The following FHIT variants were observed in gnomAD, a reference collection of about 807,000 sequenced individuals.
The protein encoded by FHIT is bis(5'-adenosyl)-triphosphatase.
Under a neutral mutation model 17.9 loss-of-function variants are expected in FHIT, and 19 were observed. That is an observed-to-expected ratio of 1.06 (90% CI 0.74 to 1.56). The LOEUF is 1.56. Ranked by LOEUF, FHIT falls within the 40% of genes most tolerant of loss-of-function variation. The pLI, the probability that FHIT is intolerant of heterozygous loss-of-function variation, is 0.00. For synonymous variants in FHIT, 81 were observed against 69.7 expected, an observed-to-expected ratio of 1.16 and a Z score of -0.81; for missense variants, 248 against 189.2, an observed-to-expected ratio of 1.31 and a Z score of -1.82.
At chr3:60,569,756 T>TATATATATATATATA (rs1491532042) in intron 4 of FHIT, among the ~76,000 whole-genome samples, 67 of 28,644 alleles carry the variant, frequency 2.3e-3, no homozygotes, top group East Asian at 0.021. Flanking sequence ...TATATATATA[T>TATATATATATATATA]TTTTTTTTTT....
intron 5 of FHIT, among the ~76,000 whole-genome samples, chr3:60,122,409 G>C (rs1221515302): frequency 1.3e-5 from 2 of 152,100 alleles, no homozygotes; most frequent in African/African-American, 4.8e-5. Context: ...GAATCAGAAA[G>C]ACTGGGCAAG....
intron 4 of FHIT, among the ~76,000 whole-genome samples, chr3:60,805,248 C>T (rs886946443): frequency 1.4e-4 from 21 of 152,280 alleles, no homozygotes; most frequent in Admixed American, 3.3e-4. Flanking sequence ...CCACCTTAGT[C>T]AGCTTGGGCT....
chr3:60,575,992 T>C (rs1272940101), intron 4 of FHIT, among the ~76,000 whole-genome samples: 1 of 152,060 alleles, frequency 6.6e-6, no homozygotes, highest in Non-Finnish European at 1.5e-5. Flanking sequence ...TACTATCGTC[T>C]GGCAAATAAA....
At chr3:61,118,211 C>A (rs915857849) in intron 2 of FHIT, among the ~76,000 whole-genome samples, 1 of 152,156 alleles carries the variant, frequency 6.6e-6, no homozygotes, top group South Asian at 2.1e-4. Context: ...CTCATTAAGT[C>A]GCTGAAAGGC....
At chr3:60,250,446 G>A (rs953137991) in intron 5 of FHIT, among the ~76,000 whole-genome samples, 8 of 152,100 alleles carry the variant, frequency 5.3e-5, no homozygotes, top group East Asian at 1.9e-4. Context: ...GGACCCCCTC[G>A]GCCAGAAAAG....
At chr3:59,948,387 T>G (rs1389431852) in intron 7 of FHIT, among the ~76,000 whole-genome samples, 1 of 149,510 alleles carries the variant, frequency 6.7e-6, no homozygotes, top group Non-Finnish European at 1.5e-5. Flanking sequence ...CATAGTGGCA[T>G]GTGCCTATAG....
chr3:61,182,609 T>C (rs543264307), intron 2 of FHIT, among the ~76,000 whole-genome samples: 1 of 152,276 alleles, frequency 6.6e-6, no homozygotes, highest in East Asian at 1.9e-4. Context: ...CTGGTTTAAA[T>C]TCATACTAGA....
At position 60,237,849 on chromosome 3, in the gene FHIT, T is replaced by G. The variant is rs143028495; in HGVS notation, c.104-223697A>C. Reference sequence around the variant, plus strand: ...TTAGAGGCAGGTAGAAATTAAGAATTTGTGGGCCGGGCATGGTGGCTTATG... The same window carrying G: ...TTAGAGGCAGGTAGAAATTAAGAATGTGTGGGCCGGGCATGGTGGCTTATG... On this transcript the variant is annotated intron_variant, in intron 5 of 9. Coordinates refer to ENST00000492590, the MANE Select transcript of FHIT (RefSeq NM_002012.4). Among the ~76,000 whole-genome samples the G allele has an allele frequency of 2.6e-3, 388 of 152,130 alleles. 1 individual carries two copies. Among genetic ancestry groups the G allele is most frequent in the African/African-American group, 9.0e-3 (372 of 41,538 alleles).
chr3:59,748,312 T>C lies in FHIT; in HGVS notation c.*1273A>G, dbSNP rs1466050379. ...AAAATCATGACAAAATGGGAATGAA[T>C]GCAATTTGGGGAACACTGTATTCGC... is the stretch of plus-strand genomic sequence containing the variant. On this transcript the variant is annotated 3_prime_UTR_variant, in exon 10 of 10. Transcript: ENST00000492590. 6.6e-6 allele frequency among the ~76,000 whole-genome samples: 1 copy of C among 152,090 alleles called. No homozygotes were observed. Among genetic ancestry groups the C allele is most frequent in the Admixed American group, 6.5e-5 (1 of 15,268 alleles).
At chr3:61,023,364 G>A (rs755333437) in intron 3 of FHIT, among the ~76,000 whole-genome samples, 9 of 152,076 alleles carry the variant, frequency 5.9e-5, no homozygotes, top group Non-Finnish European at 8.8e-5. Flanking sequence ...AAATGGAAAA[G>A]CATTCCATGC....
chr3:59,835,069 C>G (rs1228610966), intron 8 of FHIT, among the ~76,000 whole-genome samples: 1 of 152,126 alleles, frequency 6.6e-6, no homozygotes, highest in African/African-American at 2.4e-5. Flanking sequence ...GTGTAAATAA[C>G]CCAATCTTCT....
At chr3:59,997,163 C>T (rs995616981) in intron 7 of FHIT, among the ~76,000 whole-genome samples, 1 of 152,034 alleles carries the variant, frequency 6.6e-6, no homozygotes, top group African/African-American at 2.4e-5. Flanking sequence ...AGAACAGTCA[C>T]CAAATAGAGA....
At chr3:61,231,357 G>A (rs1320775394) in intron 1 of FHIT, among the ~76,000 whole-genome samples, 1 of 152,062 alleles carries the variant, frequency 6.6e-6, no homozygotes, top group Non-Finnish European at 1.5e-5. Context: ...TGCTAGGTGT[G>A]GTGGTGGGCA....
chr3:59,898,912 C>G (rs1024244548), intron 8 of FHIT, among the ~76,000 whole-genome samples: 2 of 152,138 alleles, frequency 1.3e-5, no homozygotes, highest in African/African-American at 4.8e-5. Context: ...AGATAGAATC[C>G]TCCTCCATGA....
intron 8 of FHIT, among the ~76,000 whole-genome samples, chr3:59,785,434 C>T (rs151193155): frequency 8.0e-4 from 122 of 152,048 alleles, no homozygotes; most frequent in African/African-American, 2.6e-3. Context: ...CTCAACCTCC[C>T]GAGTAGCTGG....
At chr3:61,209,773 C>T (rs142987163) in intron 1 of FHIT, among the ~76,000 whole-genome samples, 6 of 152,102 alleles carry the variant, frequency 3.9e-5, no homozygotes, top group Admixed American at 6.5e-5. Flanking sequence ...TCCTTTAGCT[C>T]GGAGTAGTTT....
chr3:60,439,682 GCAT>G (rs1223406464), intron 5 of FHIT, among the ~76,000 whole-genome samples: 1 of 152,008 alleles, frequency 6.6e-6, no homozygotes, highest in East Asian at 1.9e-4. Flanking sequence ...TTCTCTCTGG[GCAT>G]CATGTGTCTC....
At chr3:60,327,521 G>C (rs1279650985) in intron 5 of FHIT, among the ~76,000 whole-genome samples, 1 of 152,162 alleles carries the variant, frequency 6.6e-6, no homozygotes. Flanking sequence ...ACCAGATGTG[G>C]CCCAGAGCTA....
chr3:60,125,168 G>A (rs566784961), intron 5 of FHIT, among the ~76,000 whole-genome samples: 30 of 152,180 alleles, frequency 2.0e-4, no homozygotes, highest in Non-Finnish European at 4.3e-4. Context: ...AGGTCATGGA[G>A]CAAGATGGAG....
Sources: allele counts gnomAD v4.1 joint callset (sites outside exome capture counted in the v4.1 genomes callset), GRCh38; gene constraint gnomAD v4.1.1; transcripts MANE v1.5; gene names NCBI Gene and HGNC (gene_info 2026-07-23, HGNC 2026-07-21).